Variants in UGT1A8 observed in about 807,000 individuals in gnomAD.
UGT1A8 encodes the protein UDP glucuronosyltransferase family 1 member A8.
A neutral mutation model predicts 45.3 loss-of-function variants in UGT1A8; 39 were observed. The ratio of observed to expected loss-of-function variants is 0.86; its 90% confidence interval spans 0.67 to 1.12. The LOEUF is 1.12. UGT1A8 is among the 50% of genes most tolerant of loss of function. The pLI is 0.00. For missense variants in UGT1A8, 719 were observed against 664.9 expected (o/e 1.08, Z -0.90); for synonymous variants, 275 against 249.2 (o/e 1.10, Z -0.97).
intron 1 of UGT1A8, chr2:233,741,590 C>T (rs4663964): frequency 0.069 from 10,438 of 151,876 alleles, 561 homozygotes; most frequent in East Asian, 0.2. Flanking sequence ...CACCTCGGAG[C>T]ATGTTGATTT....
intron 1 of UGT1A8, among the ~76,000 whole-genome samples, chr2:233,724,570 G>T (rs1305921166): frequency 1.6e-5 from 2 of 128,200 alleles, no homozygotes; most frequent in Non-Finnish European, 3.3e-5. Flanking sequence ...GGGGCGGCGG[G>T]GCAGAGGCGC....
intron 1 of UGT1A8, among the ~76,000 whole-genome samples, chr2:233,665,269 T>G (rs2074049645): frequency 6.6e-6 from 1 of 152,250 alleles, no homozygotes; most frequent in Non-Finnish European, 1.5e-5. Flanking sequence ...TTCAACCAAT[T>G]AATATTGATA....
At chr2:233,747,712 T>C (rs566811001) in intron 1 of UGT1A8, 704 of 1,613,102 alleles carry the variant, frequency 4.4e-4, no homozygotes, top group Non-Finnish European at 5.2e-4. Flanking sequence ...TACCTATCAA[T>C]TCCTGCTGTG....
At position 233,768,455 on chromosome 2, in the gene UGT1A8, C is replaced by T. The variant is rs781674536; in HGVS notation, c.1295+16C>T. 1.9e-6 allele frequency: 3 copies of T among 1,610,240 alleles called. No individual in the cohort carries two copies. The highest frequency in any genetic ancestry group is 2.2e-5 in the East Asian group (1 of 44,770). On this transcript the variant is annotated intron_variant, in intron 4 of 4. Coordinates refer to ENST00000373450, the MANE Select transcript of UGT1A8 (RefSeq NM_019076.5). ...ATGACAAAAGGTAAGAAAGAAGATA[C>T]AGAAGAATACTTTGGTCATGGCATT... is the stretch of plus-strand genomic sequence containing the variant.
chr2:233,696,093 A>G (rs546643053), intron 1 of UGT1A8, among the ~76,000 whole-genome samples: 84 of 152,330 alleles, frequency 5.5e-4, no homozygotes, highest in African/African-American at 1.8e-3. Flanking sequence ...GAGAGTCTTC[A>G]AAACAAAACA....
At chr2:233,671,969 T>C (rs895250613) in intron 1 of UGT1A8, 1 of 1,613,954 alleles carries the variant, frequency 6.2e-7, no homozygotes, top group Non-Finnish European at 8.5e-7. Flanking sequence ...CCCCTTCCTC[T>C]ATGTGTGTGT....
chr2:233,651,011 T>C (rs777367981), intron 1 of UGT1A8, among the ~76,000 whole-genome samples: 30 of 152,202 alleles, frequency 2.0e-4, no homozygotes, highest in Non-Finnish European at 3.7e-4. Context: ...TGGTAAAGGA[T>C]TGACTTTTAG....
At chr2:233,704,471 C>A (rs1485510599) in intron 1 of UGT1A8, among the ~76,000 whole-genome samples, 1 of 152,068 alleles carries the variant, frequency 6.6e-6, no homozygotes, top group Admixed American at 6.6e-5. Context: ...TATTTCCTTT[C>A]TCCCCTTTTT....
chr2:233,718,752 A>G (rs2076680847), intron 1 of UGT1A8: 6 of 1,612,234 alleles, frequency 3.7e-6, no homozygotes, highest in Non-Finnish European at 5.1e-6. Context: ...AAGGTAATTA[A>G]GGCGAAGGAA....
At chr2:233,627,971 T>C (rs1212750585) in intron 1 of UGT1A8, among the ~76,000 whole-genome samples, 3 of 151,934 alleles carry the variant, frequency 2.0e-5, no homozygotes, top group Non-Finnish European at 4.4e-5. Context: ...AGAGATGAAA[T>C]GCTCAAACAG....
chr2:233,713,198 C>T, intron 1 of UGT1A8: 4 of 1,614,218 alleles, frequency 2.5e-6, no homozygotes, highest in Non-Finnish European at 3.4e-6. Context: ...ATATGTACAT[C>T]AAAGAAGAGA....
chr2:233,667,716 G>A (rs1194283381), intron 1 of UGT1A8, among the ~76,000 whole-genome samples: 1 of 152,164 alleles, frequency 6.6e-6, no homozygotes, highest in African/African-American at 2.4e-5. Context: ...CAAAAAGTGG[G>A]TGAAGGATAT....
chr2:233,718,073 G>C, intron 1 of UGT1A8: 1 of 345,132 alleles, frequency 2.9e-6, no homozygotes, highest in South Asian at 2.3e-5. Flanking sequence ...GTCCTTGCTA[G>C]GGTTGTCTTG....
chr2:233,760,847 C>A, intron 1 of UGT1A8: 1 of 1,614,018 alleles, frequency 6.2e-7, no homozygotes, highest in South Asian at 1.1e-5. Flanking sequence ...ACCCAGTGCC[C>A]CAACCCATTC....
intron 1 of UGT1A8, among the ~76,000 whole-genome samples, chr2:233,657,193 C>T (rs1467316199): frequency 6.6e-6 from 1 of 152,236 alleles, no homozygotes; most frequent in African/African-American, 2.4e-5. Flanking sequence ...CATCATCTCA[C>T]CTTTCCTGGC....
chr2:233,624,614 C>G (rs1169379657), intron 1 of UGT1A8, among the ~76,000 whole-genome samples: 2 of 151,984 alleles, frequency 1.3e-5, no homozygotes, highest in Non-Finnish European at 2.9e-5. Flanking sequence ...GTGTAATAAT[C>G]TTGAAATGAG....
intron 1 of UGT1A8, among the ~76,000 whole-genome samples, chr2:233,725,070 G>T (rs1181179601): frequency 6.9e-6 from 1 of 145,128 alleles, no homozygotes; most frequent in Non-Finnish European, 1.5e-5. Context: ...GCCTGCAATC[G>T]CAGGCACTCG....
chr2:233,730,885 G>C (rs948643464), intron 1 of UGT1A8, among the ~76,000 whole-genome samples: 12 of 152,158 alleles, frequency 7.9e-5, no homozygotes, highest in South Asian at 2.1e-4. Flanking sequence ...TTTCTATAGT[G>C]GGATCTACTC....
chr2:233,637,610 A>G (rs754373694), intron 1 of UGT1A8, among the ~76,000 whole-genome samples: 2 of 152,222 alleles, frequency 1.3e-5, no homozygotes, highest in South Asian at 4.1e-4. Context: ...TTCAGGCTAC[A>G]TTTTAAAATA....
Sources: allele counts gnomAD v4.1 joint callset (sites outside exome capture counted in the v4.1 genomes callset), GRCh38; gene constraint gnomAD v4.1.1; transcripts MANE v1.5; gene names NCBI Gene and HGNC (gene_info 2026-07-23, HGNC 2026-07-21).